The following BTBD8 variants were observed in gnomAD, a reference collection of about 807,000 sequenced individuals.
The protein encoded by BTBD8 is BTB domain containing 8.
BTBD8 carries 110 observed loss-of-function variants against 162.9 expected under a neutral mutation model. The ratio of observed to expected loss-of-function variants is 0.68; its 90% confidence interval spans 0.58 to 0.79. The LOEUF is 0.79. Among genes scored for constraint, BTBD8 ranks in the 30% least tolerant of loss-of-function variants. The pLI, the probability that BTBD8 is intolerant of heterozygous loss-of-function variation, is 0.00. For missense variants in BTBD8, 1,905 were observed against 2,085.4 expected (o/e 0.91, Z 1.68); for synonymous variants, 667 against 716.1 (o/e 0.93, Z 1.10).
chr1:92,176,584 A>G (rs1650716663), intron 13 of BTBD8, among the ~76,000 whole-genome samples: 1 of 152,124 alleles, frequency 6.6e-6, no homozygotes, highest in Non-Finnish European at 1.5e-5. Flanking sequence ...TTATTTATTT[A>G]TTTACTTTAA....
intron 4 of BTBD8, among the ~76,000 whole-genome samples, chr1:92,128,471 G>C (rs1649421460): frequency 6.6e-6 from 1 of 152,038 alleles, no homozygotes; most frequent in Admixed American, 6.5e-5. Flanking sequence ...GTAGAGACAG[G>C]GTTTCACCAT....
chr1:92,138,155 AAATTC>A (rs1649676792), intron 5 of BTBD8, among the ~76,000 whole-genome samples: 1 of 152,168 alleles, frequency 6.6e-6, no homozygotes. Context: ...GCGATGTGGA[AAATTC>A]AATTCTTGAA....
At chr1:92,170,700 T>C (rs1650513737) in intron 12 of BTBD8, among the ~76,000 whole-genome samples, 1 of 152,132 alleles carries the variant, frequency 6.6e-6, no homozygotes, top group Non-Finnish European at 1.5e-5. Flanking sequence ...TCAAAAGAAA[T>C]ACATTTGCTA....
chr1:92,116,941 T>C (rs1649056727), intron 4 of BTBD8, among the ~76,000 whole-genome samples: 3 of 151,706 alleles, frequency 2.0e-5, no homozygotes, highest in Non-Finnish European at 4.4e-5. Context: ...CTTGAACTGC[T>C]GGGCTCAAGT....
chr1:92,163,354 CAAAAAAAAAA>C lies in BTBD8; in HGVS notation c.1123-3584_1123-3575del, dbSNP rs34760395. Among the ~76,000 whole-genome samples, 3 of 20,400 alleles carry C rather than the reference CAAAAAAAAAA, an allele frequency of 1.5e-4. 1 individual carries two copies. Among genetic ancestry groups the C allele is most frequent in the Non-Finnish European group, 2.5e-4 (3 of 11,840 alleles). The allele number at this position is 20,400 out of a possible 152,430, so 13.4% of individuals were successfully genotyped here. ...TGGGCAACAGAGAGAGATTCTGTCT[CAAAAAAAAAA>C]AAAAAAAAAAAAAAAAAAAGGCAAG... On this transcript the variant is annotated intron_variant, in intron 9 of 17. Transcript: ENST00000636805.
At position 92,181,508 on chromosome 1, in the gene BTBD8, G is replaced by A. The variant is rs930399969; in HGVS notation, c.3825G>A (p.Gln1275=). ...RSEDYDAGGS[Q]DDDGSNDRGI... ...AAGACTATGATGCTGGAGGGTCTCA[G>A]GATGATGATGGGTCAAATGACAGAG... Residue 1275 remains glutamine (Q), a synonymous_variant, in exon 17 of 18, where the codon CAG becomes CAA. Transcript: ENST00000636805. 19 of 1,551,710 alleles carry A rather than the reference G, an allele frequency of 1.2e-5. No homozygotes were observed. The highest frequency in any genetic ancestry group is 2.0e-5 in the Admixed American group (1 of 50,982).
Position 92,178,490 on chromosome 1 carries a change from C to T in BTBD8, c.2581+39C>T. 2.7e-6 allele frequency: 4 copies of T among 1,498,690 alleles called. No individual in the cohort carries two copies. In the South Asian group the frequency reaches 3.9e-5, roughly 15 times the overall value. 92.8% of individuals were successfully genotyped at this position (1,498,690 alleles called of 1,614,324 possible). The stretch of plus-strand genomic sequence containing the variant: ...AGTACTGGATATCTTGAAATTATTT[C>T]CTTGTGTAAACTGGATAAGCCAAAC... On this transcript the variant is annotated intron_variant, in intron 16 of 17. Coordinates refer to ENST00000636805, the MANE Select transcript of BTBD8 (RefSeq NM_001376131.1).
rs920372582 is a variant in BTBD8, at chr1:92,181,461, G to A, written c.3778G>A (p.Asp1260Asn). 1.0e-5 allele frequency: 16 copies of A among 1,551,548 alleles called. No homozygotes were observed. Among genetic ancestry groups the A allele is most frequent in the Middle Eastern group, 1.7e-4 (1 of 6,014 alleles). Reference protein sequence around the residue: ...SDTGSATTSSDDIKPRSEDYD... With the variant: ...SDTGSATTSSNDIKPRSEDYD... ...CACTGGCAGTGCTACCACCTCCTCC[G>A]ATGACATAAAGCCCAGATCTGAAGA... The change falls in exon 17 of 18, where the codon GAT (aspartate) becomes AAT (asparagine). Residue 1260 changes from aspartate (D) to asparagine (N), a missense_variant. Coordinates refer to ENST00000636805, the MANE Select transcript of BTBD8 (RefSeq NM_001376131.1).
At chr1:92,167,445 G>A (rs1198769014) in intron 10 of BTBD8, among the ~76,000 whole-genome samples, 1 of 152,140 alleles carries the variant, frequency 6.6e-6, no homozygotes, top group Admixed American at 6.5e-5. Context: ...TACTGTTTTG[G>A]CCAGTAATAC....
Position 92,180,426 on chromosome 1 carries a change from A to G in BTBD8, c.2743A>G (p.Lys915Glu). 3.9e-6 allele frequency: 6 copies of G among 1,551,492 alleles called. No individual in the cohort carries two copies. The highest frequency in any genetic ancestry group is 4.4e-6 in the Non-Finnish European group (5 of 1,146,926). The change falls in exon 17 of 18, where the codon AAA becomes GAA. Residue 915 changes from lysine (K) to glutamate (E), a missense_variant. Transcript: ENST00000636805. ...CACAGCTTTGCCTAAGGTTAATGCA[A>G]AAATAGTGGCAATGCCTAAAAATCT... ...VHTALPKVNAKIVAMPKNLNQ... is the reference protein window; with the variant it reads ...VHTALPKVNAEIVAMPKNLNQ...
chr1:92,088,774 C>T lies in BTBD8; in HGVS notation c.226C>T (p.Leu76Phe). ...CTLFKAHKAV[L>F]LARVPDFYFH... ...TTTGTTCAAAGCACACAAAGCAGTC[C>T]TTTTAGCAAGAGTTCCTGACTTCTA... The change falls in exon 2 of 18, where the codon CTT becomes TTT. Residue 76 changes from leucine to phenylalanine, a missense_variant. By Grantham distance (22) the Leu-to-Phe change is conservative (BLOSUM62 0). This residue lies in a region of BTBD8 where 1,374 missense variants were observed against 1,442.7 expected (regional missense o/e 0.95). Coordinates refer to ENST00000636805, the MANE Select transcript of BTBD8 (RefSeq NM_001376131.1). The T allele has an allele frequency of 6.2e-7, 1 of 1,613,078 alleles. No individual in the cohort carries two copies. The highest frequency in any genetic ancestry group is 8.5e-7 in the Non-Finnish European group (1 of 1,179,460).
rs534269651 is a variant in BTBD8, at chr1:92,124,621, A to C, written c.663-5066A>C. 3.3e-5 allele frequency among the ~76,000 whole-genome samples: 5 copies of C among 152,340 alleles called. No individual in the cohort carries two copies. The East Asian group carries it at 7.7e-4, about 24-fold the overall frequency. On this transcript the variant is annotated intron_variant, in intron 4 of 17. Coordinates refer to ENST00000636805, the MANE Select transcript of BTBD8 (RefSeq NM_001376131.1). Reference sequence around the variant, plus strand: ...AGAAAGAGTGAGGGTGAGCGCAGTGATTTAACACCTGTAATCTCAGCACTT... The same window carrying C: ...AGAAAGAGTGAGGGTGAGCGCAGTGCTTTAACACCTGTAATCTCAGCACTT...
intron 4 of BTBD8, among the ~76,000 whole-genome samples, chr1:92,118,799 C>CTTTTTTTTTTTTTTT (rs1399053364): frequency 1.4e-5 from 1 of 70,474 alleles, no homozygotes; most frequent in Non-Finnish European, 2.7e-5. Flanking sequence ...GCTTTTCTTT[C>CTTTTTTTTTTTTTTT]TTTCTTTTTT....
intron 16 of BTBD8, among the ~76,000 whole-genome samples, chr1:92,179,016 C>T (rs566230300): frequency 9.2e-5 from 14 of 152,202 alleles, no homozygotes; most frequent in African/African-American, 2.6e-4. Flanking sequence ...GAGGCCAAGG[C>T]GGGTGGATCA....
chr1:92,152,126 G>T (rs1218990287), intron 9 of BTBD8, among the ~76,000 whole-genome samples: 1 of 151,992 alleles, frequency 6.6e-6, no homozygotes, highest in Non-Finnish European at 1.5e-5. Context: ...AAAACCAATT[G>T]CTACTATTCT....
chr1:92,152,619 A>G (rs1650070377), intron 9 of BTBD8, among the ~76,000 whole-genome samples: 1 of 152,020 alleles, frequency 6.6e-6, no homozygotes, highest in South Asian at 2.1e-4. Flanking sequence ...CTAAAGATAG[A>G]TTGGGAGGGA....
intron 1 of BTBD8, among the ~76,000 whole-genome samples, chr1:92,083,622 GC>G (rs1215119494): frequency 6.6e-6 from 1 of 152,134 alleles, no homozygotes; most frequent in African/African-American, 2.4e-5. Context: ...GATCACAGGG[GC>G]TTTCTTTCTC....
At chr1:92,121,526 T>A (rs1242811486) in intron 4 of BTBD8, among the ~76,000 whole-genome samples, 5 of 152,204 alleles carry the variant, frequency 3.3e-5, no homozygotes, top group Admixed American at 6.5e-5. Context: ...CCTGTTACTT[T>A]CTTTCTTGAG....
intron 16 of BTBD8, 91 bp downstream of exon 16, chr1:92,178,542 A>C: frequency 4.1e-6 from 4 of 986,340 alleles, no homozygotes; most frequent in Non-Finnish European, 5.9e-6. Flanking sequence ...AGTAGCAAAT[A>C]AGCAAAATAT....
Sources: gnomAD v4.1 joint callset for allele counts (sites outside exome capture counted in the v4.1 genomes callset) on GRCh38, gnomAD v4.1.1 for gene constraint, gnomAD v4.1.1 regional missense constraint, MANE v1.5 for transcripts, NCBI Gene and HGNC (gene_info 2026-07-23, HGNC 2026-07-21) for gene names.